LRRTM4: variants seen among roughly 807,000 people sequenced by gnomAD.
The protein encoded by LRRTM4 is leucine-rich repeat transmembrane neuronal protein 4.
In LRRTM4, 25 loss-of-function variants were observed where a neutral mutation model predicts 47.6. The observed-to-expected ratio is 0.53, with a 90% CI of 0.38 to 0.73. The LOEUF (loss-of-function observed/expected upper bound fraction) is 0.73, where lower values mean the gene tolerates loss of function less well. LRRTM4 is among the 30% of genes least tolerant of loss of function. LRRTM4 has a pLI of 0.00. For missense variants in LRRTM4, 638 were observed against 713.4 expected, an observed-to-expected ratio of 0.89 and a Z score of 1.20; for synonymous variants, 311 against 269.5, an observed-to-expected ratio of 1.15 and a Z score of -1.51.
rs78108055 is a variant in LRRTM4, at chr2:77,392,082, T to A, written c.1551+126236A>T. Among the ~76,000 whole-genome samples, 271 of 152,190 alleles carry A rather than the reference T, an allele frequency of 1.8e-3. 2 individuals are homozygous for A. The highest frequency in any genetic ancestry group is 3.4e-3 in the Middle Eastern group (1 of 294). Reference sequence around the variant, plus strand: ...CTAGGTCCCTCCAAAGAGTCTGACATCTTCGATAAAAGACATTTACATCTA... The same window carrying A: ...CTAGGTCCCTCCAAAGAGTCTGACAACTTCGATAAAAGACATTTACATCTA... On this transcript the variant is annotated intron_variant, in intron 3 of 3. Coordinates refer to ENST00000409884, the MANE Select transcript of LRRTM4 (RefSeq NM_001134745.3).
chr2:77,248,103 T>C (rs1466277482), intron 3 of LRRTM4, among the ~76,000 whole-genome samples: 1 of 150,954 alleles, frequency 6.6e-6, no homozygotes, highest in South Asian at 2.1e-4. Context: ...TACATAAATA[T>C]GTATATATTA....
At chr2:77,481,421 C>T (rs918301298) in intron 3 of LRRTM4, among the ~76,000 whole-genome samples, 1 of 152,164 alleles carries the variant, frequency 6.6e-6, no homozygotes, top group Non-Finnish European at 1.5e-5. Flanking sequence ...TTAGTCTCCC[C>T]TGCTTATCCC....
At chr2:77,472,787 A>G (rs1456886094) in intron 3 of LRRTM4, among the ~76,000 whole-genome samples, 2 of 152,166 alleles carry the variant, frequency 1.3e-5, no homozygotes, top group African/African-American at 4.8e-5. Flanking sequence ...TTGATTTCCT[A>G]ACCATTCCAG....
At chr2:77,172,548 G>A (rs935511914) in intron 3 of LRRTM4, among the ~76,000 whole-genome samples, 11 of 152,138 alleles carry the variant, frequency 7.2e-5, no homozygotes, top group Admixed American at 1.3e-4. Context: ...GAGCCAAGTC[G>A]TGCCACTGCA....
chr2:77,397,625 G>A (rs1673753088), intron 3 of LRRTM4, among the ~76,000 whole-genome samples: 1 of 151,790 alleles, frequency 6.6e-6, no homozygotes, highest in African/African-American at 2.4e-5. Flanking sequence ...GCCCAAGAAT[G>A]TGATTTGCCT....
intron 3 of LRRTM4, among the ~76,000 whole-genome samples, chr2:76,787,605 G>C (rs866561764): frequency 1.3e-5 from 2 of 151,660 alleles, no homozygotes; most frequent in African/African-American, 4.8e-5. Context: ...TGGTTAAATT[G>C]AAAAAATATT....
intron 3 of LRRTM4, among the ~76,000 whole-genome samples, chr2:77,070,774 G>A (rs1328650055): frequency 6.6e-6 from 1 of 152,010 alleles, no homozygotes; most frequent in Non-Finnish European, 1.5e-5. Context: ...GGGACTACAG[G>A]CACGCACTAC....
intron 3 of LRRTM4, among the ~76,000 whole-genome samples, chr2:77,228,425 C>A (rs1573109327): frequency 1.3e-5 from 2 of 152,182 alleles, no homozygotes; most frequent in East Asian, 3.9e-4. Context: ...TGGCGAAGTC[C>A]CATGAAAATT....
chr2:77,213,690 A>C (rs1185990498), intron 3 of LRRTM4, among the ~76,000 whole-genome samples: 1 of 152,168 alleles, frequency 6.6e-6, no homozygotes, highest in Non-Finnish European at 1.5e-5. Context: ...ATCCAACTTT[A>C]GGACTGTCAG....
chr2:77,492,108 AAAAG>A (rs1179046216), intron 3 of LRRTM4, among the ~76,000 whole-genome samples: 1 of 152,162 alleles, frequency 6.6e-6, no homozygotes, highest in Non-Finnish European at 1.5e-5. Flanking sequence ...CCCTTAAATC[AAAAG>A]AAAGTGACCC....
At chr2:76,930,501 G>A (rs1674736099) in intron 3 of LRRTM4, among the ~76,000 whole-genome samples, 1 of 152,188 alleles carries the variant, frequency 6.6e-6, no homozygotes, top group South Asian at 2.1e-4. Context: ...AGAAGTAACC[G>A]CAGATGCCAC....
intron 3 of LRRTM4, among the ~76,000 whole-genome samples, chr2:77,254,293 C>T (rs1456975401): frequency 6.6e-6 from 1 of 151,848 alleles, no homozygotes; most frequent in African/African-American, 2.4e-5. Flanking sequence ...ATCCTAGATT[C>T]TATATCAAGC....
intron 3 of LRRTM4, among the ~76,000 whole-genome samples, chr2:77,324,224 A>G (rs1338257312): frequency 6.6e-6 from 1 of 152,286 alleles, no homozygotes; most frequent in African/African-American, 2.4e-5. Flanking sequence ...AATATTTATT[A>G]AGAGCTTAGC....
chr2:77,083,454 A>T (rs1225380842), intron 3 of LRRTM4, among the ~76,000 whole-genome samples: 1 of 152,138 alleles, frequency 6.6e-6, no homozygotes, highest in African/African-American at 2.4e-5. Flanking sequence ...AATCTACCAC[A>T]TATTTCACCA....
At chr2:77,215,512 C>A (rs1443886013) in intron 3 of LRRTM4, among the ~76,000 whole-genome samples, 1 of 152,140 alleles carries the variant, frequency 6.6e-6, no homozygotes, top group East Asian at 1.9e-4. Context: ...AGAATTATGA[C>A]CTATTTTTTT....
intron 3 of LRRTM4, among the ~76,000 whole-genome samples, chr2:76,924,553 T>C (rs1030457250): frequency 2.0e-5 from 3 of 151,518 alleles, no homozygotes; most frequent in Admixed American, 2.0e-4. Flanking sequence ...CTGAAGGTGG[T>C]AGAAGAATAA....
chr2:77,167,186 C>A (rs1253303883), intron 3 of LRRTM4, among the ~76,000 whole-genome samples: 8 of 152,106 alleles, frequency 5.3e-5, no homozygotes. Context: ...ATGCAGCTAA[C>A]AGACTCATGA....
At chr2:77,215,206 C>A (rs1392231617) in intron 3 of LRRTM4, among the ~76,000 whole-genome samples, 1 of 151,978 alleles carries the variant, frequency 6.6e-6, no homozygotes, top group East Asian at 1.9e-4. Flanking sequence ...TCAAAAGACA[C>A]ATTTATGAGA....
intron 3 of LRRTM4, among the ~76,000 whole-genome samples, chr2:77,452,357 G>A (rs529250030): frequency 7.2e-5 from 11 of 152,262 alleles, no homozygotes; most frequent in South Asian, 6.2e-4. Context: ...GATTGGATGC[G>A]GGGAGTAAAG....
Sources: allele counts gnomAD v4.1 joint callset (sites outside exome capture counted in the v4.1 genomes callset), GRCh38; gene constraint gnomAD v4.1.1; transcripts MANE v1.5; gene names NCBI Gene and HGNC (gene_info 2026-07-23, HGNC 2026-07-21).